The following THSD7B variants were observed in gnomAD, a reference collection of about 807,000 sequenced individuals.
THSD7B encodes thrombospondin type 1 domain containing 7B.
A neutral mutation model predicts 213.6 loss-of-function variants in THSD7B; 138 were observed. The observed-to-expected ratio is 0.65, with a 90% CI of 0.56 to 0.74. The LOEUF is 0.74. Among genes scored for constraint, THSD7B ranks in the 30% least tolerant of loss-of-function variants. THSD7B has a pLI of 0.00. For missense variants in THSD7B, 1,931 were observed against 1,991.5 expected (o/e 0.97, Z 0.58); for synonymous variants, 742 against 687.0 (o/e 1.08, Z -1.25).
chr2:137,588,574 A>G (rs773718402), intron 17 of THSD7B, among the ~76,000 whole-genome samples: 105 of 151,076 alleles, frequency 7.0e-4, no homozygotes, highest in Non-Finnish European at 1.5e-3. Context: ...TCACACAACT[A>G]TAGCATATTT....
chr2:137,539,399 T>G (rs1433708032), intron 15 of THSD7B, among the ~76,000 whole-genome samples: 1 of 151,690 alleles, frequency 6.6e-6, no homozygotes, highest in Non-Finnish European at 1.5e-5. Flanking sequence ...CTATTCTGCC[T>G]TATGCTGTTT....
chr2:136,769,407 G>A (rs1413867654), intron 1 of THSD7B, among the ~76,000 whole-genome samples: 10 of 152,114 alleles, frequency 6.6e-5, no homozygotes, highest in Non-Finnish European at 1.5e-4. Context: ...CATTTGAAAG[G>A]GAAAATCAGA....
intron 7 of THSD7B, among the ~76,000 whole-genome samples, chr2:137,192,832 A>G (rs1159924336): frequency 6.6e-6 from 1 of 152,218 alleles, no homozygotes; most frequent in African/African-American, 2.4e-5. Context: ...TACCTTTGGA[A>G]AACCTGGAAC....
chr2:137,000,108 C>T (rs1208889969), intron 2 of THSD7B, among the ~76,000 whole-genome samples: 1 of 152,088 alleles, frequency 6.6e-6, no homozygotes, highest in Non-Finnish European at 1.5e-5. Context: ...AGGGTTCATC[C>T]TTTCAGGAGG....
At chr2:137,456,226 C>T (rs907601717) in intron 15 of THSD7B, among the ~76,000 whole-genome samples, 7 of 152,136 alleles carry the variant, frequency 4.6e-5, no homozygotes, top group African/African-American at 9.6e-5. Context: ...TTTTATTTTT[C>T]CTAGCAGGGT....
intron 6 of THSD7B, among the ~76,000 whole-genome samples, chr2:137,169,287 T>G (rs368864047): frequency 9.6e-4 from 59 of 61,352 alleles, no homozygotes; most frequent in Admixed American, 1.4e-3. Flanking sequence ...TTATTTGAGG[T>G]TTTTTTTTTT....
At chr2:137,006,302 G>GTTC (rs1277796509) in intron 2 of THSD7B, among the ~76,000 whole-genome samples, 18 of 152,188 alleles carry the variant, frequency 1.2e-4, no homozygotes, top group African/African-American at 4.3e-4. Context: ...GGCTGAGGCA[G>GTTC]GAGAATGGCA....
chr2:136,994,263 G>T (rs552990426), intron 2 of THSD7B, among the ~76,000 whole-genome samples: 220 of 152,258 alleles, frequency 1.4e-3, no homozygotes, highest in African/African-American at 5.2e-3. Context: ...ATTGTAGCTT[G>T]AAAATCTAAG....
intron 1 of THSD7B, among the ~76,000 whole-genome samples, chr2:136,845,885 G>A (rs1683001258): frequency 1.3e-5 from 2 of 152,198 alleles, no homozygotes; most frequent in Admixed American, 1.3e-4. Flanking sequence ...CTGATTTCTT[G>A]AGATATGATA....
intron 12 of THSD7B, among the ~76,000 whole-genome samples, chr2:137,278,501 A>G (rs1682923852): frequency 6.6e-6 from 1 of 152,172 alleles, no homozygotes; most frequent in South Asian, 2.1e-4. Flanking sequence ...CCAAAAGCTT[A>G]CCTTCATAGC....
intron 16 of THSD7B, among the ~76,000 whole-genome samples, chr2:137,567,295 A>C (rs11688551): frequency 0.15 from 22,477 of 151,730 alleles, 1,894 homozygotes; most frequent in South Asian, 0.26. Flanking sequence ...TAGCCTCCCA[A>C]ATAGCTGAGA....
intron 1 of THSD7B, among the ~76,000 whole-genome samples, chr2:136,876,685 T>C (rs72844044): frequency 0.082 from 12,538 of 152,280 alleles, 820 homozygotes; most frequent in Non-Finnish European, 0.13. Context: ...AGTGTATGTG[T>C]GTGTATGTGC....
intron 7 of THSD7B, among the ~76,000 whole-genome samples, chr2:137,228,965 G>A (rs773162124): frequency 8.5e-5 from 13 of 152,122 alleles, no homozygotes; most frequent in South Asian, 2.1e-4. Context: ...ACTCATAAAA[G>A]TACCATTTCT....
intron 15 of THSD7B, among the ~76,000 whole-genome samples, chr2:137,518,793 C>A (rs573209008): frequency 4.6e-5 from 7 of 152,272 alleles, no homozygotes; most frequent in African/African-American, 1.7e-4. Flanking sequence ...ACTGACATGG[C>A]TACGGCCACT....
In THSD7B at chr2:137,259,934, CGTGT is replaced by C. The variant is rs139340910; in HGVS notation, c.2267-12587_2267-12584del. ...TTGTGTGTGTGCGTGTGGGTGTGTG[CGTGT>C]GTGTGTGTGTGGTGGAGGTTGTAGG... is the stretch of plus-strand genomic sequence containing the variant. On this transcript the variant is annotated intron_variant, in intron 10 of 27. Transcript: ENST00000409968. Among the ~76,000 whole-genome samples, 4 of 149,862 alleles carry C rather than the reference CGTGT, an allele frequency of 2.7e-5. 1 individual carries two copies. The highest frequency in any genetic ancestry group is 6.7e-5 in the Admixed American group (1 of 14,986).
intron 15 of THSD7B, among the ~76,000 whole-genome samples, chr2:137,546,696 G>A (rs894062203): frequency 6.7e-6 from 1 of 149,022 alleles, no homozygotes; most frequent in African/African-American, 2.5e-5. Flanking sequence ...GTACATACGC[G>A]TGTATTTATG....
intron 1 of THSD7B, among the ~76,000 whole-genome samples, chr2:136,793,789 C>T (rs1682010546): frequency 6.6e-6 from 1 of 151,768 alleles, no homozygotes; most frequent in Non-Finnish European, 1.5e-5. Flanking sequence ...AGCCTCATAA[C>T]ATAAATTGGA....
Position 137,394,729 on chromosome 2 carries a change from T to C in THSD7B, c.2501-10884T>C, listed in dbSNP as rs532819684. ...CATTGGTAGCTTGATGGGGATGGCA[T>C]TGAATCTGTAAATTACCTTGGGCAG... is the stretch of plus-strand genomic sequence containing the variant. On this transcript the variant is annotated intron_variant, in intron 12 of 27. Transcript: ENST00000409968. Among the ~76,000 whole-genome samples the C allele has an allele frequency of 1.6e-4, 22 of 138,644 alleles. No homozygotes were observed. The East Asian group carries it at 4.1e-3, about 26-fold the overall frequency. 91.0% of individuals were successfully genotyped at this position (138,644 alleles called of 152,430 possible). A position where few individuals can be genotyped will look rare whatever the true frequency, so the allele number is the denominator to read the frequency against.
intron 12 of THSD7B, among the ~76,000 whole-genome samples, chr2:137,328,815 C>G (rs1684428340): frequency 6.6e-6 from 1 of 152,124 alleles, no homozygotes; most frequent in Non-Finnish European, 1.5e-5. Flanking sequence ...ATAAGGGCCC[C>G]CTCCCCAGCT....
Sources: gnomAD v4.1 joint callset for allele counts (sites outside exome capture counted in the v4.1 genomes callset) on GRCh38, gnomAD v4.1.1 for gene constraint, MANE v1.5 for transcripts, NCBI Gene and HGNC (gene_info 2026-07-23, HGNC 2026-07-21) for gene names.